Variants in SYTL2 observed in about 807,000 individuals in gnomAD.
The protein encoded by SYTL2 is synaptotagmin like 2, also known as synaptotagmin-like protein 2.
In SYTL2, 165 loss-of-function variants were observed where a neutral mutation model predicts 198.7. That is an observed-to-expected ratio of 0.83 (90% CI 0.73 to 0.94). The LOEUF (loss-of-function observed/expected upper bound fraction) is 0.94. Ranked by LOEUF, SYTL2 falls within the 40% of genes least tolerant of loss-of-function variation. The pLI is 0.00. For missense variants in SYTL2, 2,835 were observed against 2,582.8 expected, an observed-to-expected ratio of 1.10 and a Z score of -2.12; for synonymous variants, 966 against 917.7, an observed-to-expected ratio of 1.05 and a Z score of -0.95.
chr11:85,738,308 G>T lies in SYTL2; in HGVS notation c.390-652C>A, dbSNP rs137930461. Among the ~76,000 whole-genome samples, 714 of 152,288 alleles carry T rather than the reference G, an allele frequency of 4.7e-3. 1 individual carries two copies. The highest frequency in any genetic ancestry group is 0.014 in the Middle Eastern group (4 of 294). The stretch of plus-strand genomic sequence containing the variant: ...TTTTACACAATTACTCCCAAGAAAA[G>T]GCTGAGCTCTTGAAGAAGCCATTCT... On this transcript the variant is annotated intron_variant, in intron 4 of 19. Transcript: ENST00000359152.
the SYTL2 span, among the ~76,000 whole-genome samples, chr11:85,838,129 G>A: frequency 6.6e-6 from 1 of 152,146 alleles, no homozygotes; most frequent in African/African-American, 2.4e-5. Flanking sequence ...TAAGCCTTTA[G>A]TGGTTCTGGG....
intron 15 of SYTL2, among the ~76,000 whole-genome samples, chr11:85,706,927 G>A (rs1490874080): frequency 4.6e-5 from 7 of 151,854 alleles, no homozygotes; most frequent in Admixed American, 6.6e-5. Flanking sequence ...TGCAACCTCC[G>A]CCTCCCTGGT....
At chr11:85,800,278 A>G (rs995707215) in intron 1 of SYTL2, among the ~76,000 whole-genome samples, 1 of 152,062 alleles carries the variant, frequency 6.6e-6, no homozygotes, top group African/African-American at 2.4e-5. Context: ...CAAAACCCCA[A>G]TGTAGGATGT....
chr11:85,736,542 G>C lies in SYTL2; in HGVS notation c.545C>G (p.Ser182Ter). ...AAATAAACCAGTTCTTCCATTTTTTGACTGTTCATTTTTAGTTTGTTGTGA... is the reference window on the plus strand; with the variant it reads ...AAATAAACCAGTTCTTCCATTTTTTCACTGTTCATTTTTAGTTTGTTGTGA... ...HSSQQTKNEQ[S>*]KNGRTGLFQT... Residue 182 changes from serine to a stop codon, truncating the protein, a stop_gained, in exon 6 of 20, where the codon TCA becomes TGA. Transcript: ENST00000359152. LOFTEE classifies it high-confidence loss of function. The C allele has an allele frequency of 6.2e-7, 1 of 1,603,096 alleles. No individual in the cohort carries two copies. The highest frequency in any genetic ancestry group is 2.2e-5 in the East Asian group (1 of 44,628).
rs1476500527 is a variant in SYTL2 at position 85,695,355 on chromosome 11, C to T, written c.6575-15G>A. ...ATAACTTTTACCTGAAAAAAGGAAG[C>T]TTTGCATTTAGAAAGAAACAGCTCA... On this transcript the variant is annotated splice_polypyrimidine_tract_variant and intron_variant, in intron 19 of 19. Coordinates refer to ENST00000359152, the MANE Select transcript of SYTL2 (RefSeq NM_206927.4). 2 of 1,539,382 alleles carry T rather than the reference C, an allele frequency of 1.3e-6. No homozygotes were observed. Among genetic ancestry groups the T allele is most frequent in the Admixed American group, 4.1e-5 (2 of 49,106 alleles).
At chr11:85,762,101 C>A (rs1167341667) in intron 1 of SYTL2, among the ~76,000 whole-genome samples, 3 of 152,164 alleles carry the variant, frequency 2.0e-5, no homozygotes, top group Non-Finnish European at 2.9e-5. Flanking sequence ...TCATTTAATT[C>A]TTCTCTTCAC....
At position 85,726,325 on chromosome 11, in the gene SYTL2, AT is replaced by A. The variant is rs765859860; in HGVS notation, c.3032del (p.Asn1011IlefsTer30). The A allele has an allele frequency of 3.7e-6, 6 of 1,614,044 alleles. No homozygotes were observed. In the Admixed American group the frequency reaches 5.0e-5, roughly 13 times the overall value. The part of the protein sequence containing the change: ...DKNITTTSQK[N>X]SAPFNRQKHK... ...GTTTCTGCCTATTAAAAGGTGCAGA[AT>A]TTTTTTGGCTTGTGGTGGTAATATT... On this transcript the variant is annotated frameshift_variant, in exon 8 of 20. Coordinates refer to ENST00000359152, the MANE Select transcript of SYTL2 (RefSeq NM_206927.4). LOFTEE classifies it high-confidence loss of function.
intron 16 of SYTL2, among the ~76,000 whole-genome samples, chr11:85,701,813 G>T (rs898371169): frequency 1.3e-5 from 2 of 152,176 alleles, no homozygotes; most frequent in African/African-American, 4.8e-5. Flanking sequence ...AATTTAAAAG[G>T]TGGGATTTTA....
intron 1 of SYTL2, among the ~76,000 whole-genome samples, chr11:85,788,975 T>C (rs939561476): frequency 2.6e-5 from 4 of 151,446 alleles, no homozygotes; most frequent in African/African-American, 9.7e-5. Context: ...ACATGTTCCC[T>C]ATAACAAGCA....
chr11:85,782,531 G>A (rs539673457), intron 1 of SYTL2, among the ~76,000 whole-genome samples: 4 of 152,172 alleles, frequency 2.6e-5, no homozygotes, highest in Non-Finnish European at 4.4e-5. Context: ...TCCAGAAAAT[G>A]GTTTTTTCTT....
At chr11:85,774,322 A>G (rs1480685597) in intron 1 of SYTL2, among the ~76,000 whole-genome samples, 1 of 152,226 alleles carries the variant, frequency 6.6e-6, no homozygotes, top group East Asian at 1.9e-4. Flanking sequence ...TTTATCAATG[A>G]GGAAACTGAA....
intron 12 of SYTL2, among the ~76,000 whole-genome samples, chr11:85,712,143 G>T (rs998218682): frequency 2.0e-5 from 3 of 152,128 alleles, no homozygotes; most frequent in Non-Finnish European, 4.4e-5. Context: ...CATATTCCAG[G>T]ACCATGCAAT....
intron 1 of SYTL2, among the ~76,000 whole-genome samples, chr11:85,794,171 G>A (rs2092770601): frequency 6.6e-6 from 1 of 151,774 alleles, no homozygotes; most frequent in South Asian, 2.1e-4. Context: ...TGCCTGGCCA[G>A]ATTTAAATTT....
chr11:85,846,433 G>A, the SYTL2 span, among the ~76,000 whole-genome samples: 10 of 148,320 alleles, frequency 6.7e-5, no homozygotes, highest in African/African-American at 1.9e-4. Context: ...GTTTCATTTC[G>A]TTTTGTTTTT....
At chr11:85,768,422 C>T (rs964804228) in intron 1 of SYTL2, among the ~76,000 whole-genome samples, 3 of 152,140 alleles carry the variant, frequency 2.0e-5, no homozygotes, top group Non-Finnish European at 2.9e-5. Flanking sequence ...TTTGTTTCTT[C>T]ATCTATTCAA....
intron 17 of SYTL2, among the ~76,000 whole-genome samples, chr11:85,700,035 G>A (rs1404764530): frequency 2.0e-5 from 3 of 152,058 alleles, no homozygotes; most frequent in Admixed American, 2.0e-4. Flanking sequence ...CTGAATACAG[G>A]CCATTCACAT....
At chr11:85,733,243 A>G (rs898718759) in intron 7 of SYTL2, among the ~76,000 whole-genome samples, 1 of 152,252 alleles carries the variant, frequency 6.6e-6, no homozygotes, top group Non-Finnish European at 1.5e-5. Flanking sequence ...TGTAATTAAT[A>G]AATTTGCATT....
At chr11:85,834,907 A>T in the SYTL2 span, among the ~76,000 whole-genome samples, 1 of 151,984 alleles carries the variant, frequency 6.6e-6, no homozygotes, top group Non-Finnish European at 1.5e-5. Flanking sequence ...CTACAGGTAC[A>T]CACCACCATG....
chr11:85,787,336 C>T lies in SYTL2; in HGVS notation c.-390+23618G>A, dbSNP rs540473098. ...CTAGATGATCACTAAATGTTTTCAC[C>T]CTTCCATAGATACTTCCAGGAACTA... On this transcript the variant is annotated intron_variant, in intron 1 of 19. Coordinates refer to ENST00000359152, the MANE Select transcript of SYTL2 (RefSeq NM_206927.4). 1.2e-4 allele frequency among the ~76,000 whole-genome samples: 18 copies of T among 152,242 alleles called. No homozygotes were observed. In the South Asian group the frequency reaches 3.7e-3, roughly 32 times the overall value.
Sources: allele counts gnomAD v4.1 joint callset (sites outside exome capture counted in the v4.1 genomes callset), GRCh38; gene constraint gnomAD v4.1.1; transcripts MANE v1.5; gene names NCBI Gene and HGNC (gene_info 2026-07-23, HGNC 2026-07-21).